The following NRXN1 variants were observed in gnomAD, a reference collection of about 807,000 sequenced individuals.
NRXN1 encodes the protein neurexin-1.
A neutral mutation model predicts 150.9 loss-of-function variants in NRXN1; 39 were observed. The observed-to-expected ratio is 0.26, with a 90% CI of 0.20 to 0.34. The LOEUF (loss-of-function observed/expected upper bound fraction) is 0.34. Ranked by LOEUF, NRXN1 falls within the 10% of genes least tolerant of loss-of-function variation. The pLI, the probability that NRXN1 is intolerant of heterozygous loss-of-function variation, is 1.00. For synonymous variants in NRXN1, 924 were observed against 757.0 expected, an observed-to-expected ratio of 1.22 and a Z score of -3.62; for missense variants, 1,815 against 1,949.9, an observed-to-expected ratio of 0.93 and a Z score of 1.30.
At chr2:50,805,774 TTA>T (rs1284648437) in intron 5 of NRXN1, among the ~76,000 whole-genome samples, 1 of 152,186 alleles carries the variant, frequency 6.6e-6, no homozygotes, top group African/African-American at 2.4e-5. Flanking sequence ...AGAGAAATAT[TTA>T]TGTTTCAAAT....
intron 21 of NRXN1, among the ~76,000 whole-genome samples, chr2:49,985,331 T>C (rs1219266224): frequency 6.6e-6 from 1 of 152,168 alleles, no homozygotes; most frequent in Non-Finnish European, 1.5e-5. Context: ...ACATAACTCA[T>C]TCACCGTGGA....
At chr2:50,172,118 T>C (rs1344048493) in intron 18 of NRXN1, among the ~76,000 whole-genome samples, 2 of 152,070 alleles carry the variant, frequency 1.3e-5, no homozygotes, top group Non-Finnish European at 2.9e-5. Context: ...CAGAAGATAA[T>C]GGGGTTATTA....
At position 50,575,412 on chromosome 2, in the gene NRXN1, A is replaced by T. The variant is rs373113166; in HGVS notation, c.1321-22387T>A. On this transcript the variant is annotated intron_variant, in intron 8 of 22. Transcript: ENST00000401669. The stretch of plus-strand genomic sequence containing the variant: ...TAGCAGTAGGCCCTGGGCAGAAAAC[A>T]TGAGAGCCAGGTAGGGATGCTCCCT... Among the ~76,000 whole-genome samples, 13 of 152,240 alleles carry T rather than the reference A, an allele frequency of 8.5e-5. No individual in the cohort carries two copies. In the East Asian group the frequency reaches 1.2e-3, roughly 14 times the overall value.
At chr2:50,100,735 G>C (rs977032579) in intron 18 of NRXN1, among the ~76,000 whole-genome samples, 5 of 152,050 alleles carry the variant, frequency 3.3e-5, no homozygotes, top group African/African-American at 1.2e-4. Flanking sequence ...TTGTGAATCA[G>C]AGTCATCTCA....
chr2:50,833,587 C>T (rs915185303), intron 5 of NRXN1, among the ~76,000 whole-genome samples: 2 of 152,090 alleles, frequency 1.3e-5, no homozygotes, highest in African/African-American at 4.8e-5. Context: ...ACGACATTCT[C>T]AAAGAGACAA....
intron 17 of NRXN1, among the ~76,000 whole-genome samples, chr2:50,368,414 T>C (rs1453023065): frequency 2.0e-5 from 3 of 151,976 alleles, no homozygotes; most frequent in Non-Finnish European, 4.4e-5. Context: ...ACAAAAAACC[T>C]GGGGATTTTT....
At chr2:50,081,906 TTATAAAC>T (rs1698025179) in intron 19 of NRXN1, among the ~76,000 whole-genome samples, 1 of 152,190 alleles carries the variant, frequency 6.6e-6, no homozygotes, top group Admixed American at 6.5e-5. Flanking sequence ...AGTCAGCTAT[TTATAAAC>T]TATAAACTAT....
At chr2:50,157,519 T>C (rs17040026) in intron 18 of NRXN1, among the ~76,000 whole-genome samples, 9,292 of 152,090 alleles carry the variant, frequency 0.061, 1,030 homozygotes, top group African/African-American at 0.21. Context: ...TACAAGACTT[T>C]CACATAATAT....
intron 17 of NRXN1, among the ~76,000 whole-genome samples, chr2:50,292,813 C>T (rs931928344): frequency 6.6e-6 from 1 of 152,100 alleles, no homozygotes; most frequent in Non-Finnish European, 1.5e-5. Context: ...ATCTTTTAAA[C>T]AATCTCAATA....
chr2:50,996,812 A>G (rs1699366148), intron 2 of NRXN1, among the ~76,000 whole-genome samples: 1 of 152,038 alleles, frequency 6.6e-6, no homozygotes, highest in Non-Finnish European at 1.5e-5. Context: ...GAAGATGGAA[A>G]GTTAAAAACC....
intron 5 of NRXN1, among the ~76,000 whole-genome samples, chr2:50,820,877 T>G (rs1669629032): frequency 6.6e-6 from 1 of 152,262 alleles, no homozygotes; most frequent in East Asian, 1.9e-4. Context: ...CGAGGTCTGT[T>G]TGTGTTATAG....
chr2:50,446,340 T>TC (rs998871086), intron 17 of NRXN1, among the ~76,000 whole-genome samples: 1 of 151,446 alleles, frequency 6.6e-6, no homozygotes, highest in African/African-American at 2.4e-5. Context: ...CTTCCCTCCT[T>TC]CCCCCAGTCC....
chr2:50,319,524 C>T (rs951883002), intron 17 of NRXN1, among the ~76,000 whole-genome samples: 5 of 152,104 alleles, frequency 3.3e-5, no homozygotes, highest in African/African-American at 7.2e-5. Context: ...CTCTCTGTTA[C>T]TCACTTTTTT....
chr2:50,294,466 G>A (rs1040922780), intron 17 of NRXN1, among the ~76,000 whole-genome samples: 1 of 152,122 alleles, frequency 6.6e-6, no homozygotes, highest in African/African-American at 2.4e-5. Context: ...ATTCATTTAT[G>A]TGTTTATTAA....
At chr2:50,143,921 T>TA (rs1277139002) in intron 18 of NRXN1, among the ~76,000 whole-genome samples, 5 of 151,786 alleles carry the variant, frequency 3.3e-5, no homozygotes, top group African/African-American at 7.2e-5. Flanking sequence ...TATAGAATAC[T>TA]AAAAAAAAAT....
At chr2:50,954,387 C>G (rs1174114330) in intron 2 of NRXN1, among the ~76,000 whole-genome samples, 1 of 152,166 alleles carries the variant, frequency 6.6e-6, no homozygotes, top group African/African-American at 2.4e-5. Context: ...TGTCAACATT[C>G]AGTTCATTGC....
intron 2 of NRXN1, among the ~76,000 whole-genome samples, chr2:50,947,964 A>G (rs1194311921): frequency 1.3e-5 from 2 of 152,012 alleles, no homozygotes; most frequent in Non-Finnish European, 1.5e-5. Flanking sequence ...ACCATATTCC[A>G]TTGCCATTTA....
chr2:50,900,061 G>C (rs1682681326), intron 5 of NRXN1, among the ~76,000 whole-genome samples: 1 of 152,240 alleles, frequency 6.6e-6, no homozygotes, highest in Non-Finnish European at 1.5e-5. Flanking sequence ...AAAATAATCA[G>C]AGAATTAATC....
At chr2:50,876,674 T>C (rs781291304) in intron 5 of NRXN1, among the ~76,000 whole-genome samples, 1 of 151,844 alleles carries the variant, frequency 6.6e-6, no homozygotes, top group Non-Finnish European at 1.5e-5. Flanking sequence ...AGATCAAATA[T>C]GCCAGTTTAT....
Sources: gnomAD v4.1 joint callset for allele counts (sites outside exome capture counted in the v4.1 genomes callset) on GRCh38, gnomAD v4.1.1 for gene constraint, MANE v1.5 for transcripts, NCBI Gene and HGNC (gene_info 2026-07-23, HGNC 2026-07-21) for gene names.